The following JAK2 variants were observed in gnomAD, a reference collection of about 807,000 sequenced individuals.
JAK2 encodes the protein Janus kinase 2.
A neutral mutation model predicts 139.3 loss-of-function variants in JAK2; 86 were observed. The observed-to-expected ratio is 0.62, with a 90% CI of 0.52 to 0.74. The LOEUF (loss-of-function observed/expected upper bound fraction) is 0.74, where lower values mean the gene tolerates loss of function less well. Among genes scored for constraint, JAK2 ranks in the 30% least tolerant of loss-of-function variants. The probability of loss-of-function intolerance (pLI) is 0.00; values close to 1 mark genes in which losing one functional copy is unlikely to be tolerated. For synonymous variants in JAK2, 490 were observed against 437.7 expected (o/e 1.12, Z -1.49); for missense variants, 1,421 against 1,360.3 (o/e 1.04, Z -0.70).
At chr9:5,050,304 A>C (rs901332511) in intron 5 of JAK2, among the ~76,000 whole-genome samples, 1 of 152,140 alleles carries the variant, frequency 6.6e-6, no homozygotes, top group Non-Finnish European at 1.5e-5. Context: ...TTTATTTATT[A>C]ATCATTTTAG....
At chr9:5,082,510 G>A (rs1362273604) in intron 19 of JAK2, among the ~76,000 whole-genome samples, 1 of 152,180 alleles carries the variant, frequency 6.6e-6, no homozygotes, top group East Asian at 1.9e-4. Context: ...TTTATACCGA[G>A]GCATTCAGTT....
chr9:5,111,475 A>C (rs1822531575), intron 22 of JAK2: 1 of 384,434 alleles, frequency 2.6e-6, no homozygotes. Context: ...TGCCCAGCTC[A>C]GGTGAGGAGT....
intron 5 of JAK2, among the ~76,000 whole-genome samples, chr9:5,047,785 G>T (rs1362023870): frequency 6.6e-6 from 1 of 151,966 alleles, no homozygotes; most frequent in Non-Finnish European, 1.5e-5. Context: ...TGGTTTTGTG[G>T]AGATGGGGTC....
chr9:4,986,621 T>G (rs1563906084), intron 2 of JAK2, among the ~76,000 whole-genome samples: 1 of 152,228 alleles, frequency 6.6e-6, no homozygotes, highest in Non-Finnish European at 1.5e-5. Context: ...AGTGAGTTGT[T>G]GGGCTACTGC....
chr9:5,096,226 C>T (rs1687576200), intron 22 of JAK2, among the ~76,000 whole-genome samples: 1 of 152,118 alleles, frequency 6.6e-6, no homozygotes, highest in South Asian at 2.1e-4. Flanking sequence ...TTCTACCTTC[C>T]TCTTACCCAT....
At chr9:5,120,942 T>C (rs377064869) in intron 22 of JAK2, among the ~76,000 whole-genome samples, 9 of 152,312 alleles carry the variant, frequency 5.9e-5, no homozygotes, top group African/African-American at 2.2e-4. Context: ...AATGTGGAAA[T>C]GTTCTAAAAG....
intron 22 of JAK2, among the ~76,000 whole-genome samples, chr9:5,106,598 C>T (rs1352474443): frequency 6.6e-6 from 1 of 152,168 alleles, no homozygotes; most frequent in Non-Finnish European, 1.5e-5. Context: ...GACACATGCC[C>T]ATGTATGTTT....
intron 4 of JAK2, among the ~76,000 whole-genome samples, chr9:5,037,516 A>C (rs1365562135): frequency 1.3e-5 from 2 of 152,230 alleles, no homozygotes; most frequent in Non-Finnish European, 2.9e-5. Context: ...ACCATGGAAT[A>C]CTGTGCAGCC....
intron 22 of JAK2, chr9:5,107,968 T>C (rs867190839): frequency 9.2e-5 from 14 of 152,150 alleles, no homozygotes; most frequent in African/African-American, 2.7e-4. Context: ...ACCAATAATA[T>C]GATTCTCTAA....
intron 2 of JAK2, among the ~76,000 whole-genome samples, chr9:5,002,769 C>A (rs1821000218): frequency 6.6e-6 from 1 of 151,648 alleles, no homozygotes; most frequent in African/African-American, 2.4e-5. Flanking sequence ...TACATTTTTG[C>A]TTCATGTAAT....
rs893636466 is a variant in JAK2 at position 5,128,819 on chromosome 9, G to A, written c.*2028G>A. On this transcript the variant is annotated 3_prime_UTR_variant, in exon 25 of 25. Transcript: ENST00000381652. ...TTAAGTTGGTTCTGTACAAGAAACA[G>A]GTAAGTAATTATTGTACCAGTTAAT... Among the ~76,000 whole-genome samples, 9 of 151,860 alleles carry A rather than the reference G, an allele frequency of 5.9e-5. No individual in the cohort carries two copies. Among genetic ancestry groups the A allele is most frequent in the African/African-American group, 1.9e-4 (8 of 41,402 alleles).
intron 22 of JAK2, chr9:5,100,955 C>G (rs536674883): frequency 6.6e-6 from 1 of 152,384 alleles, no homozygotes; most frequent in East Asian, 1.9e-4. Context: ...CTGCAGCTCC[C>G]AGCATGATCG....
intron 2 of JAK2, among the ~76,000 whole-genome samples, chr9:4,996,299 A>G (rs1237612072): frequency 6.6e-6 from 1 of 152,134 alleles, no homozygotes; most frequent in African/African-American, 2.4e-5. Context: ...ATACAAAAAA[A>G]TAGCCAGGTG....
intron 22 of JAK2, chr9:5,100,454 A>T (rs1407422500): frequency 6.6e-6 from 1 of 152,216 alleles, no homozygotes; most frequent in African/African-American, 2.4e-5. Context: ...ACCATACAAC[A>T]GTTGTCCAAA....
intron 2 of JAK2, among the ~76,000 whole-genome samples, chr9:5,008,981 G>C (rs1306981119): frequency 6.6e-6 from 1 of 152,032 alleles, no homozygotes; most frequent in Non-Finnish European, 1.5e-5. Context: ...CAAATTATGA[G>C]TTTGATCCTT....
intron 3 of JAK2, among the ~76,000 whole-genome samples, chr9:5,028,960 C>A (rs990602917): frequency 6.6e-6 from 1 of 152,232 alleles, no homozygotes; most frequent in African/African-American, 2.4e-5. Flanking sequence ...TATGTATTTA[C>A]TGCAGTCGCA....
rs568275427 is a variant in JAK2 at position 5,023,636 on chromosome 9, A to C, written c.226+1423A>C. Among the ~76,000 whole-genome samples, 17 of 152,294 alleles carry C rather than the reference A, an allele frequency of 1.1e-4. No homozygotes were observed. The East Asian group carries it at 3.1e-3, about 28-fold the overall frequency. On this transcript the variant is annotated intron_variant, in intron 3 of 24. Transcript: ENST00000381652. Reference sequence around the variant, plus strand: ...CCTTTCCCTGTGTGGAGTCTCTCCTAGCTTCTTGCCAATCCCGGCTGGGCA... The same window carrying C: ...CCTTTCCCTGTGTGGAGTCTCTCCTCGCTTCTTGCCAATCCCGGCTGGGCA...
At chr9:5,028,558 T>C (rs554316961) in intron 3 of JAK2, among the ~76,000 whole-genome samples, 3 of 152,352 alleles carry the variant, frequency 2.0e-5, no homozygotes, top group Non-Finnish European at 2.9e-5. Flanking sequence ...CACTGACTTC[T>C]TTCTAGCTAT....
Position 5,054,981 on chromosome 9 carries a change from T to G in JAK2, c.936+97T>G, listed in dbSNP as rs112939133. The G allele has an allele frequency of 1.4e-5, 12 of 854,590 alleles. No individual in the cohort carries two copies. The highest frequency in any genetic ancestry group is 1.2e-4 in the African/African-American group (7 of 58,554). 52.9% of individuals were successfully genotyped at this position (854,590 alleles called of 1,614,324 possible). ...ATCATTTGCAACATGGTATTGCACT[T>G]CTCCCATTTGATAGAAGTGGAAGTT... On this transcript the variant is annotated intron_variant, in intron 7 of 24. Coordinates refer to ENST00000381652, the MANE Select transcript of JAK2 (RefSeq NM_004972.4). The surrounding 1 kb of genome is among the most constrained non-coding windows in gnomAD (Gnocchi z 4.9).
Sources: gnomAD v4.1 joint callset for allele counts (sites outside exome capture counted in the v4.1 genomes callset) on GRCh38, gnomAD v4.1.1 for gene constraint, Gnocchi (gnomAD v3.1) non-coding constraint, MANE v1.5 for transcripts, NCBI Gene and HGNC (gene_info 2026-07-23, HGNC 2026-07-21) for gene names.